UGT1A7: variants seen among roughly 807,000 people sequenced by gnomAD.
The protein encoded by UGT1A7 is UDP-glucuronosyltransferase 1A7.
Under a neutral mutation model 45.6 loss-of-function variants are expected in UGT1A7, and 33 were observed. The ratio of observed to expected loss-of-function variants is 0.72; its 90% CI spans 0.55 to 0.97. UGT1A7 has a LOEUF of 0.97. Among genes scored for constraint, UGT1A7 ranks in the 50% least tolerant of loss-of-function variants. UGT1A7 has a pLI of 0.00. For missense variants in UGT1A7, 684 were observed against 666.2 expected, an observed-to-expected ratio of 1.03 and a Z score of -0.29; for synonymous variants, 274 against 250.6, an observed-to-expected ratio of 1.09 and a Z score of -0.88.
In UGT1A7 at chr2:233,731,114, G is replaced by T. The variant is rs184066438; in HGVS notation, c.856-35920G>T. ...TTCTGTGCCTTTTTTATAAATGTAG[G>T]TATTATTGCAAAAGACTCTAAGCTT... On this transcript the variant is annotated intron_variant, in intron 1 of 4. Transcript: ENST00000373426. Among the ~76,000 whole-genome samples, 112 of 151,994 alleles carry T rather than the reference G, an allele frequency of 7.4e-4. 1 individual carries two copies. Among genetic ancestry groups the T allele is most frequent in the African/African-American group, 2.6e-3 (107 of 41,462 alleles).
rs1288789107 is a variant in UGT1A7 at position 233,724,474 on chromosome 2, CTT to C, written c.855+41683_855+41684del. Among the ~76,000 whole-genome samples the C allele has an allele frequency of 8.4e-4, 66 of 78,806 alleles. 2 individuals carry two copies. The highest frequency in any genetic ancestry group is 3.0e-3 in the African/African-American group (63 of 21,154). 51.7% of individuals were successfully genotyped at this position (78,806 alleles called of 152,430 possible). A position where few individuals can be genotyped will look rare whatever the true frequency, so the allele number is the denominator to read the frequency against. On this transcript the variant is annotated intron_variant, in intron 1 of 4. Transcript: ENST00000373426. ...AGCTGCCGGGCGGAGGGGCTCCTCA[CTT>C]CTCAGACGGGGCGGCCGGGCAGAGA...
chr2:233,762,295 C>T (rs898920191), intron 1 of UGT1A7, among the ~76,000 whole-genome samples: 2 of 152,172 alleles, frequency 1.3e-5, no homozygotes, highest in South Asian at 2.1e-4. Context: ...AGGTGCCAAC[C>T]GAGGTCTAGT....
chr2:233,709,267 C>T (rs1411787626), intron 1 of UGT1A7, among the ~76,000 whole-genome samples: 6 of 152,090 alleles, frequency 3.9e-5, no homozygotes, highest in Admixed American at 2.6e-4. Context: ...AACTTGTCCA[C>T]GCTGTGAATT....
intron 1 of UGT1A7, among the ~76,000 whole-genome samples, chr2:233,728,858 C>G (rs1482684625): frequency 1.3e-5 from 2 of 152,126 alleles, no homozygotes; most frequent in Admixed American, 6.5e-5. Context: ...GGATGAGAAA[C>G]AAGAGCTTGA....
chr2:233,750,277 G>T (rs1168754564), intron 1 of UGT1A7, among the ~76,000 whole-genome samples: 1 of 151,936 alleles, frequency 6.6e-6, no homozygotes, highest in Admixed American at 6.5e-5. Context: ...TTAGCAAAGA[G>T]ACTGGTGGCA....
intron 1 of UGT1A7, among the ~76,000 whole-genome samples, chr2:233,764,762 A>G (rs1448451732): frequency 6.6e-6 from 1 of 152,160 alleles, no homozygotes; most frequent in Admixed American, 6.5e-5. Flanking sequence ...GACCCTAGGG[A>G]GGAAGGAGTT....
chr2:233,726,527 G>A (rs2125719925), intron 1 of UGT1A7, among the ~76,000 whole-genome samples: 1 of 152,108 alleles, frequency 6.6e-6, no homozygotes, highest in South Asian at 2.1e-4. Context: ...TCCACTTTTA[G>A]GGAGATGCAG....
rs34028775 is a variant in UGT1A7 at position 233,762,751 on chromosome 2, A to AT, written c.856-4276dup. Among the ~76,000 whole-genome samples the AT allele has an allele frequency of 1.5e-3, 214 of 146,458 alleles. 1 individual carries two copies. Among genetic ancestry groups the AT allele is most frequent in the African/African-American group, 5.0e-3 (200 of 39,700 alleles). ...TTTTGGTCACTACTGTGAATGTGTT[A>AT]TTTTTTTGCATTTCTATCTCTAGCT... On this transcript the variant is annotated intron_variant, in intron 1 of 4. Coordinates refer to ENST00000373426, the MANE Select transcript of UGT1A7 (RefSeq NM_019077.3).
chr2:233,724,121 C>T (rs2077171215), intron 1 of UGT1A7, among the ~76,000 whole-genome samples: 1 of 117,216 alleles, frequency 8.5e-6, no homozygotes. Context: ...GCAGAGGCGC[C>T]CCTCACCTCC....
At chr2:233,719,697 G>C (rs768448140) in intron 1 of UGT1A7, 2 of 1,613,928 alleles carry the variant, frequency 1.2e-6, no homozygotes, top group East Asian at 4.5e-5. Flanking sequence ...GGTCTGTATT[G>C]GTGCCTTCAT....
chr2:233,704,283 A>C (rs1425877404), intron 1 of UGT1A7, among the ~76,000 whole-genome samples: 1 of 126,250 alleles, frequency 7.9e-6, no homozygotes, highest in African/African-American at 3.3e-5. Context: ...CATTGAGTGA[A>C]TATTTTCTAG....
chr2:233,715,984 A>T (rs2076481106), intron 1 of UGT1A7, among the ~76,000 whole-genome samples: 1 of 152,170 alleles, frequency 6.6e-6, no homozygotes, highest in African/African-American at 2.4e-5. Context: ...TTGATTTAAA[A>T]CACAACAAAA....
chr2:233,717,700 C>T (rs781386473), intron 1 of UGT1A7: 1 of 445,996 alleles, frequency 2.2e-6, no homozygotes, highest in Non-Finnish European at 4.5e-6. Flanking sequence ...CTTTCTGGAG[C>T]AGGACGAGCC....
chr2:233,714,286 T>C (rs551165794), intron 1 of UGT1A7, among the ~76,000 whole-genome samples: 1 of 152,310 alleles, frequency 6.6e-6, no homozygotes, highest in South Asian at 2.1e-4. Context: ...CAATTTTTAG[T>C]GGTCCCATCT....
chr2:233,691,773 AC>A, intron 1 of UGT1A7: 1 of 342,278 alleles, frequency 2.9e-6, no homozygotes, highest in Non-Finnish European at 4.1e-6. Context: ...TAGGATTCTC[AC>A]CACGTACTGG....
At chr2:233,729,756 G>A in intron 1 of UGT1A7, 1 of 1,613,874 alleles carries the variant, frequency 6.2e-7, no homozygotes, top group Non-Finnish European at 8.5e-7. Context: ...TCATGCAAAG[G>A]GTCAAGAACA....
chr2:233,738,612 A>G (rs1461188273), intron 1 of UGT1A7, among the ~76,000 whole-genome samples: 3 of 152,202 alleles, frequency 2.0e-5, no homozygotes, highest in African/African-American at 7.2e-5. Context: ...TAGCAAAGAA[A>G]CTCGTGGCAT....
chr2:233,704,855 C>T (rs1453613831), intron 1 of UGT1A7, among the ~76,000 whole-genome samples: 2 of 152,044 alleles, frequency 1.3e-5, no homozygotes, highest in Admixed American at 6.6e-5. Context: ...AGAATAGGGC[C>T]GGGCACGGTG....
chr2:233,763,634 G>A (rs185655809), intron 1 of UGT1A7, among the ~76,000 whole-genome samples: 42 of 152,196 alleles, frequency 2.8e-4, no homozygotes, highest in Admixed American at 6.5e-4. Flanking sequence ...TGTGTTGATG[G>A]TCCTATTCTC....
Sources: gnomAD v4.1 joint callset for allele counts (sites outside exome capture counted in the v4.1 genomes callset) on GRCh38, gnomAD v4.1.1 for gene constraint, MANE v1.5 for transcripts, NCBI Gene and HGNC (gene_info 2026-07-23, HGNC 2026-07-21) for gene names.